B3GLCT: variants seen among roughly 807,000 people sequenced by gnomAD.
B3GLCT encodes beta-1,3-glucosyltransferase.
A neutral mutation model predicts 63.4 loss-of-function variants in B3GLCT; 65 were observed. That is an observed-to-expected ratio of 1.03 (90% CI 0.84 to 1.26). The LOEUF (loss-of-function observed/expected upper bound fraction) is 1.26, where lower values mean the gene tolerates loss of function less well. Ranked by LOEUF, B3GLCT falls within the 50% of genes most tolerant of loss-of-function variation. The pLI, the probability that B3GLCT is intolerant of heterozygous loss-of-function variation, is 0.00. For missense variants in B3GLCT, 577 were observed against 604.8 expected (o/e 0.95, Z 0.48); for synonymous variants, 233 against 219.2 (o/e 1.06, Z -0.55).
chr13:31,319,964 GTCCTGTCCATTTTATT>G (rs1207095242), intron 13 of B3GLCT, among the ~76,000 whole-genome samples: 1 of 152,082 alleles, frequency 6.6e-6, no homozygotes, highest in Admixed American at 6.5e-5. Flanking sequence ...GAATCACCCA[GTCCTGTCCATTTTATT>G]TCCTAAATCT....
chr13:31,317,065 C>G (rs1875076080), intron 12 of B3GLCT, among the ~76,000 whole-genome samples: 1 of 152,240 alleles, frequency 6.6e-6, no homozygotes, highest in Admixed American at 6.5e-5. Context: ...CCTCACTGCC[C>G]AAATTCTCTT....
intron 4 of B3GLCT, among the ~76,000 whole-genome samples, chr13:31,243,286 A>C (rs1566058916): frequency 3.3e-5 from 5 of 152,218 alleles, no homozygotes; most frequent in African/African-American, 4.8e-5. Context: ...TTCTAGGTTT[A>C]GAGGTTAAAT....
chr13:31,328,109 G>A (rs1185085291), intron 14 of B3GLCT, among the ~76,000 whole-genome samples: 2 of 152,160 alleles, frequency 1.3e-5, no homozygotes, highest in Non-Finnish European at 2.9e-5. Context: ...TGGGAGCTCT[G>A]GTTTTCTCAG....
rs1868841486 is a variant in B3GLCT, at chr13:31,204,470, A to C, written c.70+4316A>C. Reference sequence around the variant, plus strand: ...ATGTGACGTTAGAGCTCAGACCCGAAAGGGAAGCAGAAATCAGGTAAGTGG... The same window carrying C: ...ATGTGACGTTAGAGCTCAGACCCGACAGGGAAGCAGAAATCAGGTAAGTGG... On this transcript the variant is annotated intron_variant, in intron 1 of 14. Coordinates refer to ENST00000343307, the MANE Select transcript of B3GLCT (RefSeq NM_194318.4). Among the ~76,000 whole-genome samples the C allele has an allele frequency of 2.0e-5, 3 of 152,302 alleles. No individual in the cohort carries two copies. In the South Asian group the frequency reaches 6.2e-4, roughly 32 times the overall value.
At chr13:31,257,777 A>G (rs533641796) in intron 6 of B3GLCT, among the ~76,000 whole-genome samples, 1 of 152,258 alleles carries the variant, frequency 6.6e-6, no homozygotes, top group South Asian at 2.1e-4. Flanking sequence ...TACTTGATTC[A>G]TATTGTATGC....
intron 12 of B3GLCT, among the ~76,000 whole-genome samples, chr13:31,298,156 C>T (rs1168743025): frequency 6.6e-6 from 1 of 152,200 alleles, no homozygotes; most frequent in African/African-American, 2.4e-5. Context: ...CATCTTGAAG[C>T]TGTCGGTATA....
intron 7 of B3GLCT, among the ~76,000 whole-genome samples, chr13:31,261,899 A>G (rs1225222717): frequency 6.6e-6 from 1 of 152,220 alleles, no homozygotes; most frequent in Middle Eastern, 3.2e-3. Flanking sequence ...AGTTCTCTAC[A>G]GTGTGATACC....
At chr13:31,309,248 A>C (rs1874571419) in intron 12 of B3GLCT, among the ~76,000 whole-genome samples, 1 of 152,224 alleles carries the variant, frequency 6.6e-6, no homozygotes, top group African/African-American at 2.4e-5. Flanking sequence ...TGTTCCTGAA[A>C]AACTCTCAGA....
chr13:31,219,871 C>G (rs1335438665), intron 2 of B3GLCT, among the ~76,000 whole-genome samples: 4 of 152,180 alleles, frequency 2.6e-5, no homozygotes, highest in Admixed American at 2.6e-4. Flanking sequence ...AGGTAGTTGA[C>G]TTCATATGAA....
At chr13:31,261,745 G>T (rs2137831849) in intron 7 of B3GLCT, among the ~76,000 whole-genome samples, 1 of 152,312 alleles carries the variant, frequency 6.6e-6, no homozygotes, top group East Asian at 1.9e-4. Flanking sequence ...CTTCAGAGAT[G>T]AAAGAGTTTC....
chr13:31,246,966 T>TA (rs1593270575), intron 4 of B3GLCT, 57 bp from the exon 5 acceptor site: 1 of 1,093,844 alleles, frequency 9.1e-7, no homozygotes. Context: ...TTTTTTTTTT[T>TA]ACTTTTTTTC....
chr13:31,308,362 A>AAAAC lies in B3GLCT; in HGVS notation c.1065-9201_1065-9200insCAAA, dbSNP rs1555254600. Among the ~76,000 whole-genome samples, 339 of 61,854 alleles carry AAAAC rather than the reference A, an allele frequency of 5.5e-3. 10 individuals are homozygous for AAAAC. The highest frequency in any genetic ancestry group is 0.014 in the African/African-American group (307 of 21,784). 40.6% of individuals were successfully genotyped at this position (61,854 alleles called of 152,430 possible). A position where few individuals can be genotyped will look rare whatever the true frequency, so the allele number is the denominator to read the frequency against. ...AAAAAAAAATTAAAAAAAAAAAAAC[A>AAAAC]AAAAAAAAAGCTAGTCCCACATGGC... On this transcript the variant is annotated intron_variant, in intron 12 of 14. Transcript: ENST00000343307.
chr13:31,331,012 C>T lies in B3GLCT; in HGVS notation c.*1344C>T, dbSNP rs561769590. The T allele has an allele frequency of 6.6e-6, 1 of 152,266 alleles. No individual in the cohort carries two copies. Among genetic ancestry groups the T allele is most frequent in the African/African-American group, 2.4e-5 (1 of 41,552 alleles). 9.4% of individuals were successfully genotyped at this position (152,266 alleles called of 1,614,324 possible). ...ATTTACCATTTTTCCAAATTAGCAACTACCAGACCTCACGTGTTGCAGTGA... is the reference window on the plus strand; with the variant it reads ...ATTTACCATTTTTCCAAATTAGCAATTACCAGACCTCACGTGTTGCAGTGA... On this transcript the variant is annotated 3_prime_UTR_variant, in exon 15 of 15. Transcript: ENST00000343307.
At chr13:31,263,582 C>T (rs1005003704) in intron 7 of B3GLCT, among the ~76,000 whole-genome samples, 1 of 152,176 alleles carries the variant, frequency 6.6e-6, no homozygotes, top group Non-Finnish European at 1.5e-5. Context: ...TCATGCTCAC[C>T]ACATGACTAG....
chr13:31,214,372 T>C (rs1470903750), intron 1 of B3GLCT, among the ~76,000 whole-genome samples: 1 of 152,216 alleles, frequency 6.6e-6, no homozygotes, highest in African/African-American at 2.4e-5. Context: ...ACTGTCATGT[T>C]GTTGTTATTA....
chr13:31,240,841 A>G (rs1870905709), intron 4 of B3GLCT, among the ~76,000 whole-genome samples: 1 of 152,172 alleles, frequency 6.6e-6, no homozygotes, highest in Non-Finnish European at 1.5e-5. Flanking sequence ...TTGCTGTTGA[A>G]TGCAAATTTA....
At chr13:31,298,503 A>G (rs1874067749) in intron 12 of B3GLCT, among the ~76,000 whole-genome samples, 1 of 152,202 alleles carries the variant, frequency 6.6e-6, no homozygotes, top group Admixed American at 6.5e-5. Context: ...ATCTGTTATA[A>G]TTGAGCTGAG....
chr13:31,216,963 A>T (rs1327813024), intron 2 of B3GLCT, among the ~76,000 whole-genome samples: 1 of 152,208 alleles, frequency 6.6e-6, no homozygotes, highest in Non-Finnish European at 1.5e-5. Flanking sequence ...TTGGGTATAT[A>T]CCCAGTAATG....
chr13:31,258,001 G>C (rs184069692), intron 6 of B3GLCT, among the ~76,000 whole-genome samples: 3 of 152,176 alleles, frequency 2.0e-5, no homozygotes, highest in African/African-American at 7.2e-5. Context: ...TAATGTGTCG[G>C]ATGGTAACAA....
Sources: allele counts gnomAD v4.1 joint callset (sites outside exome capture counted in the v4.1 genomes callset), GRCh38; gene constraint gnomAD v4.1.1; transcripts MANE v1.5; gene names NCBI Gene and HGNC (gene_info 2026-07-23, HGNC 2026-07-21).